The following HPSE2 variants were observed in gnomAD, a reference collection of about 807,000 sequenced individuals.
HPSE2 encodes heparanase 2 (inactive).
HPSE2 carries 38 observed loss-of-function variants against 60.5 expected under a neutral mutation model. That is an observed-to-expected ratio of 0.63 (90% CI 0.48 to 0.82). The LOEUF is 0.82. HPSE2 is among the 40% of genes least tolerant of loss of function. HPSE2 has a pLI of 0.00. For synonymous variants in HPSE2, 295 were observed against 293.2 expected (o/e 1.01, Z -0.06); for missense variants, 713 against 740.4 (o/e 0.96, Z 0.43).
At chr10:98,593,421 T>C (rs1237098847) in intron 9 of HPSE2, among the ~76,000 whole-genome samples, 5 of 151,806 alleles carry the variant, frequency 3.3e-5, no homozygotes, top group Non-Finnish European at 7.4e-5. Context: ...TCTGGGGCAT[T>C]ATGTAGGCAA....
At chr10:98,934,185 G>A (rs1954724355) in intron 3 of HPSE2, among the ~76,000 whole-genome samples, 1 of 144,218 alleles carries the variant, frequency 6.9e-6, no homozygotes, top group Non-Finnish European at 1.5e-5. Context: ...CATGAGATGT[G>A]TCTCTTGAAT....
At chr10:98,957,486 A>G (rs1430318451) in intron 3 of HPSE2, among the ~76,000 whole-genome samples, 1 of 152,188 alleles carries the variant, frequency 6.6e-6, no homozygotes, top group African/African-American at 2.4e-5. Context: ...AGTCATGGTA[A>G]TAAGTTTAGA....
chr10:99,155,516 C>T (rs1220593462), intron 2 of HPSE2, among the ~76,000 whole-genome samples: 3 of 143,402 alleles, frequency 2.1e-5, no homozygotes, highest in Admixed American at 7.1e-5. Context: ...GGGTACATAA[C>T]GAAATGAAGG....
chr10:98,945,334 A>G (rs543488667), intron 3 of HPSE2, among the ~76,000 whole-genome samples: 15 of 152,218 alleles, frequency 9.9e-5, no homozygotes, highest in Admixed American at 3.3e-4. Context: ...TATTAGGTTA[A>G]TATTTCCAGA....
At chr10:98,697,191 G>T (rs1391411715) in intron 5 of HPSE2, among the ~76,000 whole-genome samples, 1 of 152,164 alleles carries the variant, frequency 6.6e-6, no homozygotes, top group Non-Finnish European at 1.5e-5. Context: ...TCAGAAGGTG[G>T]GTAACAACAA....
chr10:99,284,109 T>C, the HPSE2 span, among the ~76,000 whole-genome samples: 4 of 152,094 alleles, frequency 2.6e-5, no homozygotes, highest in East Asian at 1.9e-4. Context: ...CTTATGAACA[T>C]AGATGTTAAT....
At chr10:98,745,751 A>T (rs72842313) in intron 3 of HPSE2, among the ~76,000 whole-genome samples, 2,287 of 152,290 alleles carry the variant, frequency 0.015, 32 homozygotes, top group African/African-American at 0.03. Context: ...TTCTTAGATT[A>T]ATAATTATGT....
intron 9 of HPSE2, among the ~76,000 whole-genome samples, chr10:98,555,200 A>G (rs1943970968): frequency 6.6e-6 from 1 of 152,232 alleles, no homozygotes; most frequent in South Asian, 2.1e-4. Flanking sequence ...GCCATTTAAC[A>G]AAATGCATTA....
chr10:99,060,695 C>CT (rs1306567099), intron 3 of HPSE2, among the ~76,000 whole-genome samples: 2 of 136,054 alleles, frequency 1.5e-5, no homozygotes, highest in Non-Finnish European at 3.1e-5. Context: ...GGTGAGCAAT[C>CT]TAAGTGTCCA....
At chr10:98,466,410 G>C (rs368180160) in intron 11 of HPSE2, among the ~76,000 whole-genome samples, 2 of 151,970 alleles carry the variant, frequency 1.3e-5, no homozygotes, top group African/African-American at 2.4e-5. Flanking sequence ...TCAGGAGTTC[G>C]AGACCAGCCT....
chr10:98,673,459 T>G (rs546526512), intron 6 of HPSE2, among the ~76,000 whole-genome samples: 1 of 152,228 alleles, frequency 6.6e-6, no homozygotes, highest in East Asian at 1.9e-4. Flanking sequence ...TCTTGTCTTC[T>G]GCTCATCAGA....
chr10:98,852,169 A>C (rs10883219), intron 3 of HPSE2, among the ~76,000 whole-genome samples: 1 of 93,802 alleles, frequency 1.1e-5, no homozygotes, highest in African/African-American at 4.9e-5. Context: ...GTGTGTGTAT[A>C]TATGTTTGGT....
intron 3 of HPSE2, among the ~76,000 whole-genome samples, chr10:99,101,978 T>G (rs986989857): frequency 3.9e-5 from 6 of 152,172 alleles, no homozygotes; most frequent in Admixed American, 2.0e-4. Context: ...GGGACACATT[T>G]AATGCAGTGT....
At chr10:98,858,396 G>A (rs1952369813) in intron 3 of HPSE2, among the ~76,000 whole-genome samples, 1 of 152,176 alleles carries the variant, frequency 6.6e-6, no homozygotes, top group Non-Finnish European at 1.5e-5. Flanking sequence ...TTACAGATCT[G>A]TAATATGTTT....
At chr10:98,651,843 G>T (rs1946925697) in intron 6 of HPSE2, among the ~76,000 whole-genome samples, 1 of 151,474 alleles carries the variant, frequency 6.6e-6, no homozygotes, top group Non-Finnish European at 1.5e-5. Context: ...TGTGATTTTG[G>T]CTCACTGCAA....
intron 3 of HPSE2, among the ~76,000 whole-genome samples, chr10:98,980,707 G>A (rs1056531681): frequency 3.3e-5 from 5 of 152,112 alleles, no homozygotes; most frequent in Non-Finnish European, 7.4e-5. Context: ...GTTAGGTTAC[G>A]GTTTGTCCAC....
chr10:99,162,160 AAATGGTAAATTCTGTTAT>A (rs1198902836), intron 2 of HPSE2, among the ~76,000 whole-genome samples: 1 of 152,228 alleles, frequency 6.6e-6, no homozygotes, highest in Non-Finnish European at 1.5e-5. Flanking sequence ...TCATACACTC[AAATGGTAAATTCTGTTAT>A]AATGGTAAAT....
intron 3 of HPSE2, among the ~76,000 whole-genome samples, chr10:98,769,200 AT>A (rs1950188937): frequency 6.6e-6 from 1 of 152,210 alleles, no homozygotes; most frequent in East Asian, 1.9e-4. Flanking sequence ...ATTGGGAAGA[AT>A]TCTCAAGAGA....
chr10:98,867,967 C>T (rs1311827692), intron 3 of HPSE2, among the ~76,000 whole-genome samples: 2 of 151,822 alleles, frequency 1.3e-5, no homozygotes, highest in African/African-American at 4.8e-5. Flanking sequence ...GAGGGTGAGG[C>T]GGGAGAATCA....
Sources: allele counts gnomAD v4.1 joint callset (sites outside exome capture counted in the v4.1 genomes callset), GRCh38; gene constraint gnomAD v4.1.1; transcripts MANE v1.5; gene names NCBI Gene and HGNC (gene_info 2026-07-23, HGNC 2026-07-21).